NAALADL2: variants seen among roughly 807,000 people sequenced by gnomAD.
NAALADL2 encodes inactive N-acetylated-alpha-linked acidic dipeptidase-like protein 2.
A neutral mutation model predicts 87.2 loss-of-function variants in NAALADL2; 76 were observed. The observed-to-expected ratio is 0.87, with a 90% CI of 0.72 to 1.05. The LOEUF (loss-of-function observed/expected upper bound fraction) is 1.05, where lower values mean the gene tolerates loss of function less well. NAALADL2 is among the 50% of genes least tolerant of loss of function. The pLI, the probability that NAALADL2 is intolerant of heterozygous loss-of-function variation, is 0.00. For missense variants in NAALADL2, 1,089 were observed against 945.8 expected (o/e 1.15, Z -1.99); for synonymous variants, 354 against 331.0 (o/e 1.07, Z -0.75).
At chr3:175,264,699 T>A (rs1382453642) in intron 4 of NAALADL2, among the ~76,000 whole-genome samples, 1 of 151,724 alleles carries the variant, frequency 6.6e-6, no homozygotes, top group Non-Finnish European at 1.5e-5. Context: ...TATGGAGAAA[T>A]ATAAATAATG....
chr3:175,046,601 A>T (rs925317934), intron 1 of NAALADL2, among the ~76,000 whole-genome samples: 2 of 152,194 alleles, frequency 1.3e-5, no homozygotes, highest in African/African-American at 4.8e-5. Context: ...GACCTCCAAC[A>T]ATCTGTTGCT....
intron 4 of NAALADL2, among the ~76,000 whole-genome samples, chr3:175,272,604 T>C (rs1435922944): frequency 5.9e-5 from 9 of 152,192 alleles, no homozygotes; most frequent in African/African-American, 1.9e-4. Flanking sequence ...TATTGAGGTT[T>C]GAGAGGCTCA....
intron 9 of NAALADL2, among the ~76,000 whole-genome samples, chr3:175,557,188 G>A (rs1715418945): frequency 6.6e-6 from 1 of 152,058 alleles, no homozygotes; most frequent in Admixed American, 6.5e-5. Context: ...GAAAATACAT[G>A]CTCATTATGT....
At chr3:175,304,710 T>C (rs1470317033) in intron 4 of NAALADL2, among the ~76,000 whole-genome samples, 1 of 152,194 alleles carries the variant, frequency 6.6e-6, no homozygotes, top group Non-Finnish European at 1.5e-5. Flanking sequence ...TGGAAATATT[T>C]AGTTTATCCA....
intron 9 of NAALADL2, among the ~76,000 whole-genome samples, chr3:175,483,227 G>A (rs561114558): frequency 6.6e-6 from 1 of 151,278 alleles, no homozygotes; most frequent in African/African-American, 2.4e-5. Context: ...GAGATATGTT[G>A]GAGGAAAAAA....
intron 1 of NAALADL2, among the ~76,000 whole-genome samples, chr3:174,946,482 A>G (rs1739439220): frequency 6.6e-6 from 1 of 152,196 alleles, no homozygotes; most frequent in East Asian, 1.9e-4. Flanking sequence ...GATGTCGCCT[A>G]TCTCATATAG....
Position 175,487,067 on chromosome 3 carries a change from A to T in NAALADL2, c.1653+15309A>T, listed in dbSNP as rs114405625. ...CATTCTGTGCCCTTTCTCTCATTTC[A>T]CTTAGAGTAAAAGCCAAAGTCCTTA... On this transcript the variant is annotated intron_variant, in intron 9 of 13. Coordinates refer to ENST00000454872, the MANE Select transcript of NAALADL2 (RefSeq NM_207015.3). Among the ~76,000 whole-genome samples, 417 of 152,170 alleles carry T rather than the reference A, an allele frequency of 2.7e-3. 1 individual carries two copies. Among genetic ancestry groups the T allele is most frequent in the African/African-American group, 9.6e-3 (397 of 41,546 alleles).
chr3:175,440,816 T>A (rs1213263178), intron 5 of NAALADL2, among the ~76,000 whole-genome samples: 1 of 152,156 alleles, frequency 6.6e-6, no homozygotes, highest in African/African-American at 2.4e-5. Flanking sequence ...ACTTATATGA[T>A]CATGTCATCA....
chr3:175,311,113 A>C (rs959760049), intron 4 of NAALADL2, among the ~76,000 whole-genome samples: 1 of 152,088 alleles, frequency 6.6e-6, no homozygotes, highest in African/African-American at 2.4e-5. Flanking sequence ...AAGCACCTTA[A>C]CTGTGCCACT....
chr3:175,355,660 T>G (rs1377661714), intron 5 of NAALADL2, among the ~76,000 whole-genome samples: 1 of 152,280 alleles, frequency 6.6e-6, no homozygotes, highest in Admixed American at 6.5e-5. Flanking sequence ...CTTTCTCATC[T>G]GTAAGGTAAT....
chr3:175,733,290 A>G (rs551193877), intron 11 of NAALADL2, among the ~76,000 whole-genome samples: 1 of 152,338 alleles, frequency 6.6e-6, no homozygotes, highest in South Asian at 2.1e-4. Context: ...TCACAGTTCC[A>G]TGTGGCTGGG....
At chr3:175,718,392 C>T in intron 11 of NAALADL2, 1 of 1,592,542 alleles carries the variant, frequency 6.3e-7, no homozygotes, top group Non-Finnish European at 8.6e-7. Flanking sequence ...GAACTATTTA[C>T]TCCATTCATA....
rs1041842083 is a variant in NAALADL2 at position 174,815,839 on chromosome 3, T to G, written c.-9+78093T>G. On this transcript the variant is annotated intron_variant, in intron 3 of 3. Coordinates refer to the NAALADL2 transcript ENST00000434257. Reference sequence around the variant, plus strand: ...GCTAAATTTGACTTTAGTTTTTTTTTTTTTTTTTTTTTTTTTTTAAGTTTC... The same window carrying G: ...GCTAAATTTGACTTTAGTTTTTTTTGTTTTTTTTTTTTTTTTTTAAGTTTC... 6.8e-3 allele frequency among the ~76,000 whole-genome samples: 1,007 copies of G among 148,902 alleles called. 16 individuals carry two copies. Among genetic ancestry groups the G allele is most frequent in the African/African-American group, 0.024 (957 of 40,642 alleles).
chr3:174,924,765 G>C (rs866553231), intron 1 of NAALADL2, among the ~76,000 whole-genome samples: 11 of 152,186 alleles, frequency 7.2e-5, no homozygotes, highest in African/African-American at 2.7e-4. Context: ...TAATTGGTGT[G>C]AGATGGTATC....
At position 174,942,604 on chromosome 3, in the gene NAALADL2, A is replaced by G. The variant is rs1738785581; in HGVS notation, c.43+83154A>G. Among the ~76,000 whole-genome samples, 3 of 152,286 alleles carry G rather than the reference A, an allele frequency of 2.0e-5. No homozygotes were observed. The South Asian group carries it at 6.2e-4, about 32-fold the overall frequency. ...CTATAGCAAGGCTGGAGACGTTTTC[A>G]TGAATGATATTCTGAAATATGTTTT... On this transcript the variant is annotated intron_variant, in intron 1 of 13. Transcript: ENST00000454872.
chr3:175,129,376 G>A (rs1248296325), intron 2 of NAALADL2, among the ~76,000 whole-genome samples: 1 of 152,100 alleles, frequency 6.6e-6, no homozygotes, highest in African/African-American at 2.4e-5. Flanking sequence ...TATAGTCACT[G>A]TGGTTTACAT....
intron 4 of NAALADL2, among the ~76,000 whole-genome samples, chr3:175,291,711 A>G (rs1301110472): frequency 1.3e-5 from 2 of 152,118 alleles, no homozygotes; most frequent in African/African-American, 4.8e-5. Flanking sequence ...GTTTTATGAG[A>G]TAGAATATCC....
At chr3:175,526,692 T>C (rs898731863) in intron 9 of NAALADL2, among the ~76,000 whole-genome samples, 2 of 152,074 alleles carry the variant, frequency 1.3e-5, no homozygotes, top group African/African-American at 4.8e-5. Context: ...CTTAATGAAA[T>C]AGATCTTCCA....
At chr3:174,895,477 G>T (rs1309371849) in intron 1 of NAALADL2, among the ~76,000 whole-genome samples, 2 of 151,900 alleles carry the variant, frequency 1.3e-5, no homozygotes, top group Non-Finnish European at 2.9e-5. Context: ...AGATTGAACT[G>T]GGAAGAAATC....
Sources: allele counts gnomAD v4.1 joint callset (sites outside exome capture counted in the v4.1 genomes callset), GRCh38; gene constraint gnomAD v4.1.1; transcripts MANE v1.5; gene names NCBI Gene and HGNC (gene_info 2026-07-23, HGNC 2026-07-21).